The following FAM227B variants were observed in gnomAD, a reference collection of about 807,000 sequenced individuals.
FAM227B encodes family with sequence similarity 227 member B, also known as protein FAM227B.
A neutral mutation model predicts 73.8 loss-of-function variants in FAM227B; 88 were observed. That is an observed-to-expected ratio of 1.19 (90% CI 1.00 to 1.42). FAM227B has a LOEUF of 1.42. Among genes scored for constraint, FAM227B ranks in the 40% most tolerant of loss-of-function variants. The pLI, the probability that FAM227B is intolerant of heterozygous loss-of-function variation, is 0.00. For synonymous variants in FAM227B, 210 were observed against 190.5 expected (o/e 1.10, Z -0.84); for missense variants, 632 against 590.9 (o/e 1.07, Z -0.72).
At chr15:49,581,817 G>T (rs1407457711) in intron 5 of FAM227B, among the ~76,000 whole-genome samples, 1 of 152,130 alleles carries the variant, frequency 6.6e-6, no homozygotes. Context: ...AGCCACCAGA[G>T]AAACATATTT....
intron 2 of FAM227B, among the ~76,000 whole-genome samples, chr15:49,611,609 C>T (rs545548474): frequency 6.6e-6 from 1 of 152,194 alleles, no homozygotes; most frequent in East Asian, 1.9e-4. Context: ...ATAATAAATC[C>T]AGAGCCAAAA....
At position 49,327,407 on chromosome 15, in the gene FAM227B, A is replaced by C. The variant is rs1223820229; in HGVS notation, c.*1161T>G. 1 of 152,212 alleles carries C rather than the reference A, an allele frequency of 6.6e-6. No individual in the cohort carries two copies. The highest frequency in any genetic ancestry group is 2.4e-5 in the African/African-American group (1 of 41,460). 9.4% of individuals were successfully genotyped at this position (152,212 alleles called of 1,614,324 possible). ...TAACACGCTTTTTGTTGATAAGTTT[A>C]TTCAGTGAACTAGGCTATCTGTTCT... On this transcript the variant is annotated 3_prime_UTR_variant, in exon 16 of 16. Transcript: ENST00000299338.
chr15:49,593,556 C>T (rs1228083416), intron 3 of FAM227B, among the ~76,000 whole-genome samples: 1 of 152,104 alleles, frequency 6.6e-6, no homozygotes, highest in African/African-American at 2.4e-5. Context: ...GCAGTATACA[C>T]TGTACCCAAT....
At chr15:49,616,511 A>G (rs1467964178) in intron 1 of FAM227B, among the ~76,000 whole-genome samples, 3 of 152,170 alleles carry the variant, frequency 2.0e-5, no homozygotes, top group Non-Finnish European at 4.4e-5. Context: ...CTCTGTCTAT[A>G]TAAGAGAAGA....
Position 49,449,024 on chromosome 15 carries a change from T to C in FAM227B, c.1012+59187A>G, listed in dbSNP as rs765584926. On this transcript the variant is annotated intron_variant, in intron 11 of 15. Coordinates refer to ENST00000299338, the MANE Select transcript of FAM227B (RefSeq NM_152647.3). ...AACACTTTCATAGGAGAAATAACATTCTTTTCTGTCTGCACTCATCCCCTT... is the reference window on the plus strand; with the variant it reads ...AACACTTTCATAGGAGAAATAACATCCTTTTCTGTCTGCACTCATCCCCTT... Among the ~76,000 whole-genome samples, 6 of 151,878 alleles carry C rather than the reference T, an allele frequency of 4.0e-5. No individual in the cohort carries two copies. In the Admixed American group the frequency reaches 4.0e-4, roughly 10 times the overall value.
At chr15:49,387,284 G>A (rs934042784) in intron 11 of FAM227B, among the ~76,000 whole-genome samples, 1 of 151,722 alleles carries the variant, frequency 6.6e-6, no homozygotes, top group African/African-American at 2.4e-5. Context: ...ATATCAAAAA[G>A]GTAATTCATC....
intron 10 of FAM227B, among the ~76,000 whole-genome samples, chr15:49,534,548 A>G (rs149984965): frequency 1.7e-5 from 2 of 116,820 alleles, no homozygotes; most frequent in East Asian, 6.2e-4. Flanking sequence ...TCTGCTTTCA[A>G]CACTGGATAA....
At chr15:49,611,423 T>C (rs1246856720) in intron 2 of FAM227B, among the ~76,000 whole-genome samples, 155 bp from the exon 3 acceptor site, 1 of 152,148 alleles carries the variant, frequency 6.6e-6, no homozygotes, top group Non-Finnish European at 1.5e-5. Flanking sequence ...TCCCTCCACT[T>C]TGAAAAGGGA....
At chr15:49,392,692 CT>C (rs1171260817) in intron 11 of FAM227B, among the ~76,000 whole-genome samples, 1 of 152,112 alleles carries the variant, frequency 6.6e-6, no homozygotes, top group Non-Finnish European at 1.5e-5. Context: ...GAACTCAAAT[CT>C]TTGAGGATGA....
rs1330109084 is a variant in FAM227B, at chr15:49,327,949, T to C, written c.*619A>G. 3 of 1,606,672 alleles carry C rather than the reference T, an allele frequency of 1.9e-6. No individual in the cohort carries two copies. The East Asian group carries it at 6.7e-5, about 36-fold the overall frequency. On this transcript the variant is annotated 3_prime_UTR_variant, in exon 16 of 16. Transcript: ENST00000299338. ...TCTAATATTTTTTTCCTCACTGTTT[T>C]AGGAAGTTTGGGGCTCAAGGGTCAC...
At chr15:49,442,057 AG>A (rs2051703156) in intron 11 of FAM227B, among the ~76,000 whole-genome samples, 1 of 151,660 alleles carries the variant, frequency 6.6e-6, no homozygotes, top group Non-Finnish European at 1.5e-5. Flanking sequence ...AATGTGTTCA[AG>A]TAATTGAATT....
Position 49,327,837 on chromosome 15 carries a change from A to G in FAM227B, c.*731T>C. ...CTAAAATGTTTGATGACACCTAAAA[A>G]CCCCGCATGTATTTTCTTCTTAGAA... On this transcript the variant is annotated 3_prime_UTR_variant, in exon 16 of 16. Transcript: ENST00000299338. 1.1e-6 allele frequency: 1 copy of G among 941,324 alleles called. No individual in the cohort carries two copies. Among genetic ancestry groups the G allele is most frequent in the Non-Finnish European group, 1.6e-6 (1 of 642,846 alleles). The allele number at this position is 941,324 out of a possible 1,614,324, so 58.3% of individuals were successfully genotyped here. A position where few individuals can be genotyped will look rare whatever the true frequency, so the allele number is the denominator to read the frequency against.
chr15:49,351,682 A>C (rs189359639), intron 13 of FAM227B, among the ~76,000 whole-genome samples: 15 of 152,284 alleles, frequency 9.9e-5, no homozygotes, highest in African/African-American at 3.6e-4. Flanking sequence ...CTGTGGTTTC[A>C]AGGGAATAAA....
At chr15:49,559,616 C>T (rs2152331881) in intron 9 of FAM227B, among the ~76,000 whole-genome samples, 1 of 152,144 alleles carries the variant, frequency 6.6e-6, no homozygotes, top group African/African-American at 2.4e-5. Context: ...CACTCCTCTC[C>T]AGACAAGCAG....
At chr15:49,345,817 T>C (rs1478620757) in intron 13 of FAM227B, among the ~76,000 whole-genome samples, 1 of 152,042 alleles carries the variant, frequency 6.6e-6, no homozygotes, top group Non-Finnish European at 1.5e-5. Context: ...AAACAAAGGG[T>C]TTTGGAAATT....
intron 13 of FAM227B, among the ~76,000 whole-genome samples, chr15:49,357,394 A>G (rs1567141453): frequency 1.3e-5 from 2 of 150,104 alleles, no homozygotes; most frequent in Admixed American, 1.3e-4. Flanking sequence ...AAAAAATGAT[A>G]AAGGGGATAT....
intron 5 of FAM227B, 69 bp from the exon 6 acceptor site, chr15:49,577,733 TCA>T (rs2075550111): frequency 1.1e-6 from 1 of 926,086 alleles, no homozygotes; most frequent in Admixed American, 2.4e-5. Flanking sequence ...GTAAATTTGT[TCA>T]GTTAACTAGT....
chr15:49,376,537 T>C (rs1224361455), intron 11 of FAM227B, among the ~76,000 whole-genome samples: 1 of 152,144 alleles, frequency 6.6e-6, no homozygotes, highest in Non-Finnish European at 1.5e-5. Context: ...TAGCAAGTTT[T>C]GAGATCAGGA....
intron 3 of FAM227B, among the ~76,000 whole-genome samples, chr15:49,602,718 C>T (rs1437165455): frequency 4.6e-5 from 7 of 152,106 alleles, no homozygotes; most frequent in Admixed American, 2.6e-4. Context: ...GAAATCTTTG[C>T]CCAGACCAAT....
Sources: allele counts gnomAD v4.1 joint callset (sites outside exome capture counted in the v4.1 genomes callset), GRCh38; gene constraint gnomAD v4.1.1; transcripts MANE v1.5; gene names NCBI Gene and HGNC (gene_info 2026-07-23, HGNC 2026-07-21).